CAPN8: variants seen among roughly 807,000 people sequenced by gnomAD.
The protein encoded by CAPN8 is calpain 8.
CAPN8 carries 87 observed loss-of-function variants against 80.9 expected under a neutral mutation model. The observed-to-expected ratio is 1.07, with a 90% CI of 0.90 to 1.28. The LOEUF is 1.28. CAPN8 is among the 50% of genes most tolerant of loss of function. CAPN8 has a pLI of 0.00. For synonymous variants in CAPN8, 299 were observed against 273.8 expected (o/e 1.09, Z -0.91); for missense variants, 757 against 702.0 (o/e 1.08, Z -0.89).
intron 11 of CAPN8, among the ~76,000 whole-genome samples, chr1:223,612,038 G>A (rs1298570967): frequency 3.3e-5 from 5 of 152,208 alleles, no homozygotes; most frequent in Admixed American, 6.5e-5. Flanking sequence ...TTCCTTCCAT[G>A]AGGGCCTGAC....
intron 2 of CAPN8, among the ~76,000 whole-genome samples, chr1:223,637,561 G>A (rs1657935985): frequency 6.6e-6 from 1 of 152,102 alleles, no homozygotes; most frequent in African/African-American, 2.4e-5. Flanking sequence ...CTCTGTTTAA[G>A]TTCCCGTCCT....
At chr1:223,554,190 A>G (rs1382085478) in intron 13 of CAPN8, among the ~76,000 whole-genome samples, 1 of 152,212 alleles carries the variant, frequency 6.6e-6, no homozygotes, top group African/African-American at 2.4e-5. Context: ...TTCTGATTAC[A>G]ACCTGAACAA....
intron 1 of CAPN8, among the ~76,000 whole-genome samples, chr1:223,658,206 A>G (rs1373118258): frequency 7.2e-5 from 11 of 152,228 alleles, no homozygotes; most frequent in Admixed American, 7.2e-4. Flanking sequence ...CCTGAGCTGT[A>G]TCTTCAATTA....
chr1:223,654,665 T>A (rs1439653477), intron 1 of CAPN8, among the ~76,000 whole-genome samples: 1 of 151,934 alleles, frequency 6.6e-6, no homozygotes, highest in Non-Finnish European at 1.5e-5. Context: ...TATTTATTTT[T>A]TATTTATTTT....
intron 2 of CAPN8, chr1:223,642,857 C>T (rs1658080173): frequency 8.8e-6 from 4 of 455,826 alleles, no homozygotes; most frequent in South Asian, 6.2e-5. Flanking sequence ...AGGAATAAGA[C>T]TCAATGGCAT....
At chr1:223,618,417 C>T (rs542598812) in intron 9 of CAPN8, 11 of 1,210,166 alleles carry the variant, frequency 9.1e-6, no homozygotes, top group Admixed American at 2.1e-5. Flanking sequence ...CCCCATGACA[C>T]GCATGCCCTG....
chr1:223,656,804 C>T (rs1658507003), intron 1 of CAPN8, among the ~76,000 whole-genome samples: 1 of 151,750 alleles, frequency 6.6e-6, no homozygotes. Flanking sequence ...CTGCCTCAGC[C>T]TCCTGAGTAG....
At chr1:223,642,989 A>C (rs559545143) in intron 2 of CAPN8, among the ~76,000 whole-genome samples, 1 of 152,350 alleles carries the variant, frequency 6.6e-6, no homozygotes, top group Admixed American at 6.5e-5. Flanking sequence ...GAGGGAGAAA[A>C]ACCCACTGAG....
intron 2 of CAPN8, among the ~76,000 whole-genome samples, chr1:223,651,514 C>T (rs536854232): frequency 6.6e-6 from 1 of 152,302 alleles, no homozygotes; most frequent in Non-Finnish European, 1.5e-5. Context: ...GAGACTCATA[C>T]ATTTAGGATG....
chr1:223,659,575 C>T (rs1276942869), intron 1 of CAPN8, among the ~76,000 whole-genome samples: 1 of 152,214 alleles, frequency 6.6e-6, no homozygotes, highest in Non-Finnish European at 1.5e-5. Flanking sequence ...CACCAACAAT[C>T]CCAACTCAAA....
intron 7 of CAPN8, 77 bp downstream of exon 7, chr1:223,622,738 T>C: frequency 9.0e-7 from 1 of 1,105,070 alleles, no homozygotes; most frequent in African/African-American, 1.5e-5. Context: ...GTGACATCGA[T>C]CTCATTGTTG....
At chr1:223,661,176 A>G (rs10915944) in intron 1 of CAPN8, among the ~76,000 whole-genome samples, 12,862 of 151,972 alleles carry the variant, frequency 0.085, 1,190 homozygotes, top group East Asian at 0.27. Context: ...AAAAAAAAAA[A>G]AAAAAAGGCA....
At chr1:223,648,290 G>A (rs1241533846) in intron 2 of CAPN8, among the ~76,000 whole-genome samples, 1 of 152,168 alleles carries the variant, frequency 6.6e-6, no homozygotes, top group Non-Finnish European at 1.5e-5. Context: ...AAGCCCCCTG[G>A]GCCACATGGA....
intron 6 of CAPN8, among the ~76,000 whole-genome samples, chr1:223,624,877 G>A (rs1572239722): frequency 1.3e-5 from 2 of 152,124 alleles, no homozygotes; most frequent in Non-Finnish European, 2.9e-5. Flanking sequence ...GGCAGATCAT[G>A]AGGTCAGGAA....
chr1:223,617,117 G>A (rs1414829523), intron 9 of CAPN8: 1 of 152,106 alleles, frequency 6.6e-6, no homozygotes, highest in Non-Finnish European at 1.5e-5. Context: ...AAAAAGAAGT[G>A]GAAGGGCATG....
intron 2 of CAPN8, among the ~76,000 whole-genome samples, chr1:223,639,506 A>T (rs1346199542): frequency 6.6e-6 from 1 of 152,232 alleles, no homozygotes; most frequent in Non-Finnish European, 1.5e-5. Flanking sequence ...AGCCCAATGC[A>T]AACAGTAAAA....
chr1:223,644,850 T>C (rs1389499167), intron 2 of CAPN8, among the ~76,000 whole-genome samples: 2 of 152,110 alleles, frequency 1.3e-5, no homozygotes, highest in Non-Finnish European at 2.9e-5. Context: ...GGCATCAGAG[T>C]TGTGGCCCCC....
chr1:223,654,195 G>A, intron 2 of CAPN8, 135 bp downstream of exon 2: 1 of 729,858 alleles, frequency 1.4e-6, no homozygotes, highest in Non-Finnish European at 2.3e-6. Context: ...TGCAGTCTCA[G>A]AAACACAAAC....
At chr1:223,663,380 T>C (rs1332172644) in intron 1 of CAPN8, among the ~76,000 whole-genome samples, 2 of 152,176 alleles carry the variant, frequency 1.3e-5, no homozygotes, top group Non-Finnish European at 2.9e-5. Context: ...TCTGCAATGG[T>C]ACCCCTCCCT....
Sources: allele counts gnomAD v4.1 joint callset (sites outside exome capture counted in the v4.1 genomes callset), GRCh38; gene constraint gnomAD v4.1.1; transcripts MANE v1.5; gene names NCBI Gene and HGNC (gene_info 2026-07-23, HGNC 2026-07-21).